PTPRD: variants seen among roughly 807,000 people sequenced by gnomAD.
The protein encoded by PTPRD is receptor-type tyrosine-protein phosphatase delta.
Under a neutral mutation model 214.5 loss-of-function variants are expected in PTPRD, and 34 were observed. The ratio of observed to expected loss-of-function variants is 0.16; its 90% CI spans 0.12 to 0.21. The LOEUF is 0.21. PTPRD is among the 10% of genes least tolerant of loss of function. The pLI is 1.00. For missense variants in PTPRD, 2,545 were observed against 2,398.7 expected (o/e 1.06, Z -1.27); for synonymous variants, 1,128 against 845.7 (o/e 1.33, Z -5.79).
At chr9:10,512,500 G>A (rs949235334) in intron 2 of PTPRD, among the ~76,000 whole-genome samples, 9 of 152,078 alleles carry the variant, frequency 5.9e-5, no homozygotes, top group African/African-American at 1.4e-4. Flanking sequence ...ATAAGTATGC[G>A]GTGGTGGGTT....
intron 6 of PTPRD, among the ~76,000 whole-genome samples, chr9:9,750,221 A>G (rs1354069859): frequency 1.3e-5 from 2 of 152,152 alleles, no homozygotes; most frequent in African/African-American, 4.8e-5. Context: ...TATTCTAGCA[A>G]TTATATACTT....
At chr9:8,938,655 G>A (rs2099012960) in intron 11 of PTPRD, among the ~76,000 whole-genome samples, 1 of 151,902 alleles carries the variant, frequency 6.6e-6, no homozygotes, top group South Asian at 2.1e-4. Flanking sequence ...GAAGGCTCCT[G>A]GTGACCTTTC....
chr9:9,534,753 A>G (rs1000064055), intron 8 of PTPRD, among the ~76,000 whole-genome samples: 2 of 151,904 alleles, frequency 1.3e-5, no homozygotes, highest in African/African-American at 2.4e-5. Flanking sequence ...ATCATTGTAC[A>G]TAGTCATGCA....
At chr9:9,657,840 G>C (rs1044020080) in intron 7 of PTPRD, among the ~76,000 whole-genome samples, 5 of 152,034 alleles carry the variant, frequency 3.3e-5, no homozygotes, top group African/African-American at 4.8e-5. Context: ...AACACAAATG[G>C]ACAAAACCTC....
intron 5 of PTPRD, among the ~76,000 whole-genome samples, chr9:9,809,392 C>T (rs2046438235): frequency 6.6e-6 from 1 of 151,696 alleles, no homozygotes; most frequent in African/African-American, 2.4e-5. Context: ...CTCAGCCTCC[C>T]AAGTAGCTGG....
At chr9:9,199,573 C>A (rs1017383279) in intron 9 of PTPRD, among the ~76,000 whole-genome samples, 2 of 152,028 alleles carry the variant, frequency 1.3e-5, no homozygotes, top group African/African-American at 2.4e-5. Flanking sequence ...TAAAGGAAAC[C>A]AAGATCAATT....
At chr9:8,948,576 T>C (rs1412036681) in intron 11 of PTPRD, among the ~76,000 whole-genome samples, 37 of 105,458 alleles carry the variant, frequency 3.5e-4, no homozygotes, top group African/African-American at 1.1e-3. Flanking sequence ...TATATATATA[T>C]ACACACACAC....
At chr9:8,948,326 G>A (rs1236467316) in intron 11 of PTPRD, among the ~76,000 whole-genome samples, 1 of 139,330 alleles carries the variant, frequency 7.2e-6, no homozygotes, top group Non-Finnish European at 1.5e-5. Context: ...CTGAGTTTGG[G>A]CTCTTAACCA....
chr9:8,581,695 C>T (rs1715859604), intron 14 of PTPRD, among the ~76,000 whole-genome samples: 2 of 151,536 alleles, frequency 1.3e-5, no homozygotes, highest in East Asian at 2.0e-4. Flanking sequence ...TGCAGTGAGC[C>T]GAGATCCCGC....
At chr9:9,361,959 T>C (rs542204795) in intron 9 of PTPRD, among the ~76,000 whole-genome samples, 13 of 151,214 alleles carry the variant, frequency 8.6e-5, no homozygotes, top group South Asian at 4.1e-4. Flanking sequence ...ATATTTACCA[T>C]AATAATTCAT....
chr9:9,275,137 A>G (rs13300078), intron 9 of PTPRD, among the ~76,000 whole-genome samples: 1 of 50,304 alleles, frequency 2.0e-5, no homozygotes, highest in Non-Finnish European at 3.5e-5. Flanking sequence ...ATTATATATA[A>G]TATATATATA....
chr9:9,044,858 T>C (rs973945004), intron 10 of PTPRD, among the ~76,000 whole-genome samples: 2 of 152,194 alleles, frequency 1.3e-5, no homozygotes, highest in Non-Finnish European at 2.9e-5. Context: ...ATGAAATAGT[T>C]ACCTTGAATA....
chr9:9,741,498 C>A (rs973508664), intron 6 of PTPRD, among the ~76,000 whole-genome samples: 1 of 151,832 alleles, frequency 6.6e-6, no homozygotes, highest in Non-Finnish European at 1.5e-5. Context: ...GATACATGTG[C>A]AGAACTGGCA....
At chr9:8,599,683 G>A (rs2094711633) in intron 14 of PTPRD, among the ~76,000 whole-genome samples, 1 of 143,312 alleles carries the variant, frequency 7.0e-6, no homozygotes, top group Middle Eastern at 3.4e-3. Context: ...GAGTGCAACG[G>A]CGCGATCACT....
chr9:9,596,381 C>A (rs1034295277), intron 7 of PTPRD, among the ~76,000 whole-genome samples: 5 of 151,846 alleles, frequency 3.3e-5, no homozygotes, highest in African/African-American at 1.2e-4. Context: ...TCCAGAGGTA[C>A]CCTTTACATT....
intron 35 of PTPRD, among the ~76,000 whole-genome samples, chr9:8,433,698 TAC>T (rs1469210042): frequency 6.6e-6 from 1 of 152,062 alleles, no homozygotes; most frequent in Non-Finnish European, 1.5e-5. Context: ...TGTATAGCTG[TAC>T]AGTGTGCTTG....
chr9:8,587,947 T>C (rs2093798240), intron 14 of PTPRD, among the ~76,000 whole-genome samples: 1 of 152,206 alleles, frequency 6.6e-6, no homozygotes, highest in African/African-American at 2.4e-5. Context: ...GAGTAAATAA[T>C]AGCTCTGTGC....
chr9:8,556,369 G>A (rs1211530191), intron 14 of PTPRD, among the ~76,000 whole-genome samples: 1 of 152,196 alleles, frequency 6.6e-6, no homozygotes, highest in African/African-American at 2.4e-5. Context: ...TTTTCTAACA[G>A]TCTGTGACTA....
chr9:8,688,575 A>G lies in PTPRD; in HGVS notation c.64+45205T>C, dbSNP rs573228606. On this transcript the variant is annotated intron_variant, in intron 12 of 45. Transcript: ENST00000381196. Reference sequence around the variant, plus strand: ...GCGAGACTCTGTCTCAAAAAAAAAAAAAAAGAAAAAAATATATATAAGATG... The same window carrying G: ...GCGAGACTCTGTCTCAAAAAAAAAAGAAAAGAAAAAAATATATATAAGATG... Among the ~76,000 whole-genome samples the G allele has an allele frequency of 1.5e-3, 233 of 151,596 alleles. 2 individuals carry two copies. The highest frequency in any genetic ancestry group is 5.4e-3 in the African/African-American group (222 of 41,372).
Sources: gnomAD v4.1 joint callset for allele counts (sites outside exome capture counted in the v4.1 genomes callset) on GRCh38, gnomAD v4.1.1 for gene constraint, MANE v1.5 for transcripts, NCBI Gene and HGNC (gene_info 2026-07-23, HGNC 2026-07-21) for gene names.